The following TSPAN19 variants were observed in gnomAD, a reference collection of about 807,000 sequenced individuals.
The protein encoded by TSPAN19 is tetraspanin 19.
A neutral mutation model predicts 35.1 loss-of-function variants in TSPAN19; 44 were observed. The ratio of observed to expected loss-of-function variants is 1.25; its 90% CI spans 0.98 to 1.61. The LOEUF (loss-of-function observed/expected upper bound fraction) is 1.61, where lower values mean the gene tolerates loss of function less well. Ranked by LOEUF, TSPAN19 falls within the 40% of genes most tolerant of loss-of-function variation. TSPAN19 has a pLI of 0.00. For missense variants in TSPAN19, 290 were observed against 280.0 expected (o/e 1.04, Z -0.26); for synonymous variants, 79 against 92.0 (o/e 0.86, Z 0.81).
At chr12:85,029,694 G>C (rs1334731051) in intron 3 of TSPAN19, 25 bp downstream of exon 3, 3 of 1,506,870 alleles carry the variant, frequency 2.0e-6, no homozygotes, top group Non-Finnish European at 2.7e-6. Context: ...ATTTCACTGA[G>C]AGAAAAACAA....
Position 85,028,036 on chromosome 12 carries a change from CA to C in TSPAN19, c.140-14del. The stretch of plus-strand genomic sequence containing the variant: ...TGATTATTTTCATCTGTGAAAAGTA[CA>C]AATTTACTTATTATGAAGTGGTATT... On this transcript the variant is annotated splice_polypyrimidine_tract_variant and intron_variant, in intron 3 of 8. Coordinates refer to ENST00000532498, the MANE Select transcript of TSPAN19 (RefSeq NM_001100917.2). 3 of 1,511,794 alleles carry C rather than the reference CA, an allele frequency of 2.0e-6. No individual in the cohort carries two copies. The highest frequency in any genetic ancestry group is 2.7e-6 in the Non-Finnish European group (3 of 1,116,000). The allele number at this position is 1,511,794 out of a possible 1,614,324, so 93.6% of individuals were successfully genotyped here. A position where few individuals can be genotyped will look rare whatever the true frequency, so the allele number is the denominator to read the frequency against.
At chr12:85,022,884 G>A (rs1234921030) in intron 5 of TSPAN19, among the ~76,000 whole-genome samples, 1 of 151,982 alleles carries the variant, frequency 6.6e-6, no homozygotes, top group Non-Finnish European at 1.5e-5. Flanking sequence ...TCTACCTGTG[G>A]AAAATATAGG....
chr12:85,016,083 A>C, intron 7 of TSPAN19, 112 bp from the exon 8 acceptor site: 1 of 656,072 alleles, frequency 1.5e-6, no homozygotes, highest in South Asian at 2.8e-5. Flanking sequence ...AAGTCTAAAT[A>C]GTAAGTCAAT....
chr12:85,029,797 A>C lies in TSPAN19; in HGVS notation c.67-6T>G, dbSNP rs1407146274. 6.5e-7 allele frequency: 1 copy of C among 1,541,180 alleles called. No homozygotes were observed. The highest frequency in any genetic ancestry group is 8.7e-7 in the Non-Finnish European group (1 of 1,144,360). ...ATGAATAAAAGTCCAAGAACCTAAA[A>C]AAAGAAAGTCAATGCTTATTTTTTT... On this transcript the variant is annotated splice_polypyrimidine_tract_variant and splice_region_variant and intron_variant, in intron 2 of 8. Transcript: ENST00000532498.
chr12:85,029,922 T>G lies in TSPAN19; in HGVS notation c.25A>C (p.Ile9Leu). Residue 9 changes from isoleucine to leucine, a missense_variant, in exon 2 of 9, where the codon ATT becomes CTT. Coordinates refer to ENST00000532498, the MANE Select transcript of TSPAN19 (RefSeq NM_001100917.2). The part of the protein sequence containing the change: MLRNNKTI[I>L]IKYFLNLING... ...ATGAGATTAAGAAAGTACTTAATAATTATTGTTTTGTTATTTCTTAACATT... is the reference window on the plus strand; with the variant it reads ...ATGAGATTAAGAAAGTACTTAATAAGTATTGTTTTGTTATTTCTTAACATT... 6.8e-7 allele frequency: 1 copy of G among 1,460,440 alleles called. No homozygotes were observed. Among genetic ancestry groups the G allele is most frequent in the Non-Finnish European group, 9.2e-7 (1 of 1,081,258 alleles). 90.5% of individuals were successfully genotyped at this position (1,460,440 alleles called of 1,614,324 possible). A position where few individuals can be genotyped will look rare whatever the true frequency, so the allele number is the denominator to read the frequency against.
At chr12:85,033,627 G>A (rs1209882444) in intron 1 of TSPAN19, among the ~76,000 whole-genome samples, 1 of 151,944 alleles carries the variant, frequency 6.6e-6, no homozygotes, top group South Asian at 2.1e-4. Flanking sequence ...CTTTATCGTC[G>A]ATATTTTGCA....
At chr12:85,033,867 A>T (rs1877792827) in intron 1 of TSPAN19, among the ~76,000 whole-genome samples, 1 of 152,176 alleles carries the variant, frequency 6.6e-6, no homozygotes, top group Non-Finnish European at 1.5e-5. Context: ...TTATGTTTGT[A>T]AAGCTCTTAG....
At chr12:85,035,527 A>G (rs1223579536) in intron 1 of TSPAN19, among the ~76,000 whole-genome samples, 1 of 152,170 alleles carries the variant, frequency 6.6e-6, no homozygotes, top group Non-Finnish European at 1.5e-5. Flanking sequence ...GTTTATTGTT[A>G]CCAGGAAATG....
chr12:85,017,534 T>A lies in TSPAN19; in HGVS notation c.516A>T (p.Gly172=). The A allele has an allele frequency of 3.7e-6, 6 of 1,600,860 alleles. No individual in the cohort carries two copies. The highest frequency in any genetic ancestry group is 5.1e-6 in the Non-Finnish European group (6 of 1,172,480). The change falls in exon 7 of 9, where the codon GGA becomes GGT. Residue 172 remains glycine (G), a synonymous_variant. Transcript: ENST00000532498. ...ACTTTGTGCAAGAACATGGCACCTG[T>A]CCTGAATTTTCTTTGTTCTTATTCT... ...WIKNKNKENS[G]QVPCSCTKST...
At chr12:85,027,363 C>T (rs1877464775) in intron 4 of TSPAN19, among the ~76,000 whole-genome samples, 1 of 152,066 alleles carries the variant, frequency 6.6e-6, no homozygotes, top group African/African-American at 2.4e-5. Flanking sequence ...GTGACAGGAT[C>T]AATCGAATTC....
chr12:85,025,449 A>G (rs947004077), intron 4 of TSPAN19, among the ~76,000 whole-genome samples: 27 of 150,188 alleles, frequency 1.8e-4, no homozygotes, highest in African/African-American at 6.6e-4. Flanking sequence ...ATATGAAACA[A>G]TTTTTAAAAT....
intron 5 of TSPAN19, among the ~76,000 whole-genome samples, chr12:85,020,863 G>A (rs1195192303): frequency 6.6e-6 from 1 of 151,576 alleles, no homozygotes; most frequent in African/African-American, 2.4e-5. Flanking sequence ...TTATTTTTTG[G>A]TTAAGTAAAT....
At position 85,036,243 on chromosome 12, in the gene TSPAN19, G is replaced by A. The variant is rs1878027449; in HGVS notation, c.-67C>T. On this transcript the variant is annotated 5_prime_UTR_variant, in exon 1 of 9. Coordinates refer to ENST00000532498, the MANE Select transcript of TSPAN19 (RefSeq NM_001100917.2). Reference sequence around the variant, plus strand: ...AAGCTCCTCATCCAGTCCCTGAAATGCTGCGTTCGTTTCAATTTAGAATCG... The same window carrying A: ...AAGCTCCTCATCCAGTCCCTGAAATACTGCGTTCGTTTCAATTTAGAATCG... 1 of 152,178 alleles carries A rather than the reference G, an allele frequency of 6.6e-6. No individual in the cohort carries two copies. Among genetic ancestry groups the A allele is most frequent in the African/African-American group, 2.4e-5 (1 of 41,442 alleles). The allele number at this position is 152,178 out of a possible 1,614,324, so 9.4% of individuals were successfully genotyped here. A position where few individuals can be genotyped will look rare whatever the true frequency, so the allele number is the denominator to read the frequency against.
chr12:85,025,082 C>G (rs1368838195), intron 4 of TSPAN19, among the ~76,000 whole-genome samples: 3 of 151,204 alleles, frequency 2.0e-5, no homozygotes. Flanking sequence ...CATGCAATAT[C>G]TCACTTAATC....
intron 7 of TSPAN19, chr12:85,016,650 A>G (rs538517166): frequency 6.6e-6 from 1 of 152,020 alleles, no homozygotes; most frequent in Non-Finnish European, 1.5e-5. Context: ...GGGCAGGAAG[A>G]CACAAGATTT....
chr12:85,033,221 G>T (rs1592669372), intron 1 of TSPAN19, among the ~76,000 whole-genome samples: 1 of 152,024 alleles, frequency 6.6e-6, no homozygotes, highest in Non-Finnish European at 1.5e-5. Flanking sequence ...CAAGACAGAG[G>T]GAACACTATG....
chr12:85,030,781 C>A (rs1877648206), intron 1 of TSPAN19, among the ~76,000 whole-genome samples: 1 of 152,074 alleles, frequency 6.6e-6, no homozygotes, highest in Non-Finnish European at 1.5e-5. Flanking sequence ...TCAATACCTA[C>A]TCCATTGGTT....
intron 1 of TSPAN19, among the ~76,000 whole-genome samples, chr12:85,035,474 C>T (rs1877933497): frequency 6.6e-6 from 1 of 152,002 alleles, no homozygotes; most frequent in African/African-American, 2.4e-5. Flanking sequence ...AATCTATTAA[C>T]GTCTCACTTT....
chr12:85,026,110 A>G (rs532675056), intron 4 of TSPAN19, among the ~76,000 whole-genome samples: 9 of 152,262 alleles, frequency 5.9e-5, no homozygotes, highest in African/African-American at 1.9e-4. Context: ...TGCTTGAATT[A>G]TATGAGGCAG....
Sources: allele counts gnomAD v4.1 joint callset (sites outside exome capture counted in the v4.1 genomes callset), GRCh38; gene constraint gnomAD v4.1.1; transcripts MANE v1.5; gene names NCBI Gene and HGNC (gene_info 2026-07-23, HGNC 2026-07-21).